Variants in CNTNAP4 observed in about 807,000 individuals in gnomAD.
CNTNAP4 encodes the protein contactin-associated protein-like 4.
CNTNAP4 carries 98 observed loss-of-function variants against 148.4 expected under a neutral mutation model. That is an observed-to-expected ratio of 0.66 (90% confidence interval 0.56 to 0.78). The LOEUF (loss-of-function observed/expected upper bound fraction) is 0.78, where lower values mean the gene tolerates loss of function less well. Ranked by LOEUF, CNTNAP4 falls within the 30% of genes least tolerant of loss-of-function variation. The probability of loss-of-function intolerance (pLI) is 0.00; values close to 1 mark genes in which losing one functional copy is unlikely to be tolerated. For missense variants in CNTNAP4, 1,935 were observed against 1,565.6 expected (o/e 1.24, Z -3.98); for synonymous variants, 730 against 565.1 (o/e 1.29, Z -4.14).
At chr16:76,410,471 T>C (rs2078755006) in intron 3 of CNTNAP4, among the ~76,000 whole-genome samples, 2 of 151,720 alleles carry the variant, frequency 1.3e-5, no homozygotes, top group Admixed American at 6.6e-5. Flanking sequence ...TGTAGTTTTG[T>C]TACATCTGGC....
At chr16:76,432,235 G>A (rs2079637662) in intron 4 of CNTNAP4, among the ~76,000 whole-genome samples, 2 of 152,154 alleles carry the variant, frequency 1.3e-5, no homozygotes, top group Admixed American at 6.6e-5. Flanking sequence ...ATAGATGCAA[G>A]CCTATCCTGT....
chr16:76,424,482 G>C (rs760243280), intron 3 of CNTNAP4, among the ~76,000 whole-genome samples: 1 of 152,090 alleles, frequency 6.6e-6, no homozygotes, highest in South Asian at 2.1e-4. Flanking sequence ...GGCTGGGTGC[G>C]GTGGTTCACG....
intron 12 of CNTNAP4, among the ~76,000 whole-genome samples, chr16:76,480,124 T>C (rs938968736): frequency 4.9e-4 from 75 of 151,798 alleles, no homozygotes; most frequent in African/African-American, 1.8e-3. Flanking sequence ...TCCTAGACAG[T>C]GCAATAAAAC....
chr16:76,377,492 G>T (rs973932648), intron 3 of CNTNAP4, among the ~76,000 whole-genome samples: 3 of 152,144 alleles, frequency 2.0e-5, no homozygotes, highest in East Asian at 1.9e-4. Flanking sequence ...CAAAGATGGT[G>T]CAATGCTAGG....
At chr16:76,543,421 G>T (rs967699514) in intron 21 of CNTNAP4, among the ~76,000 whole-genome samples, 1 of 152,186 alleles carries the variant, frequency 6.6e-6, no homozygotes. Flanking sequence ...GTCACTTACT[G>T]TGTTAGTCCA....
At chr16:76,537,647 A>G (rs1188177235) in intron 18 of CNTNAP4, among the ~76,000 whole-genome samples, 1 of 152,136 alleles carries the variant, frequency 6.6e-6, no homozygotes, top group African/African-American at 2.4e-5. Flanking sequence ...ATGTTTAGAC[A>G]TAAAGGAAAA....
intron 14 of CNTNAP4, among the ~76,000 whole-genome samples, chr16:76,497,581 A>G (rs1002766776): frequency 6.6e-6 from 1 of 152,058 alleles, no homozygotes; most frequent in Non-Finnish European, 1.5e-5. Context: ...CATTCTCAGC[A>G]AAATAACACA....
intron 9 of CNTNAP4, among the ~76,000 whole-genome samples, chr16:76,464,434 C>T (rs1296569788): frequency 5.3e-5 from 8 of 152,144 alleles, no homozygotes; most frequent in African/African-American, 1.9e-4. Flanking sequence ...ACCTCCTTCC[C>T]CCAGTCCTGG....
rs78331690 is a variant in CNTNAP4, at chr16:76,431,115, A to C, written c.538+3516A>C. On this transcript the variant is annotated intron_variant, in intron 4 of 23. Transcript: ENST00000611870. Reference sequence around the variant, plus strand: ...TGATTGATAAATTGTGGTTAGTATAAGAAAGTTTATAGCAGTAGATTTTGA... The same window carrying C: ...TGATTGATAAATTGTGGTTAGTATACGAAAGTTTATAGCAGTAGATTTTGA... Among the ~76,000 whole-genome samples, 1,055 of 152,318 alleles carry C rather than the reference A, an allele frequency of 6.9e-3. 9 individuals carry two copies. Among genetic ancestry groups the C allele is most frequent in the African/African-American group, 0.024 (996 of 41,572 alleles).
intron 4 of CNTNAP4, among the ~76,000 whole-genome samples, chr16:76,441,553 A>C (rs1013944984): frequency 2.0e-5 from 3 of 152,042 alleles, no homozygotes; most frequent in African/African-American, 4.8e-5. Flanking sequence ...ACTGAGGGGG[A>C]ATCAGGTCAC....
intron 3 of CNTNAP4, among the ~76,000 whole-genome samples, chr16:76,417,263 G>T: frequency 6.6e-6 from 1 of 151,042 alleles, no homozygotes; most frequent in Non-Finnish European, 1.5e-5. Flanking sequence ...TCTATTTGTT[G>T]CAGTTGTTTT....
At chr16:76,447,346 A>G (rs1568204177) in intron 4 of CNTNAP4, among the ~76,000 whole-genome samples, 1 of 100,500 alleles carries the variant, frequency 1.0e-5, no homozygotes, top group African/African-American at 2.7e-5. Flanking sequence ...ATGTATATAT[A>G]TATATGAAAT....
chr16:76,328,322 T>G (rs2144219415), intron 2 of CNTNAP4, among the ~76,000 whole-genome samples: 2 of 152,284 alleles, frequency 1.3e-5, no homozygotes, highest in South Asian at 4.1e-4. Flanking sequence ...GTGGAAAACA[T>G]TAGACCTACC....
intron 1 of CNTNAP4, among the ~76,000 whole-genome samples, chr16:76,284,809 T>A (rs1958818553): frequency 6.6e-6 from 1 of 152,068 alleles, no homozygotes; most frequent in Admixed American, 6.6e-5. Flanking sequence ...TGGCTTTCCT[T>A]GTTTTTAATC....
chr16:76,340,271 C>G lies in CNTNAP4; in HGVS notation c.197-15047C>G, dbSNP rs569595978. 3.3e-5 allele frequency among the ~76,000 whole-genome samples: 5 copies of G among 152,262 alleles called. No homozygotes were observed. In the East Asian group the frequency reaches 9.7e-4, roughly 30 times the overall value. On this transcript the variant is annotated intron_variant, in intron 2 of 23. Coordinates refer to ENST00000611870, the MANE Select transcript of CNTNAP4 (RefSeq NM_033401.5). ...AGGAACATAGCTGCCCAAGTTCCCC[C>G]CCAAATCCTATATGCTTACCCAAAT...
At chr16:76,499,301 T>G (rs2082532910) in intron 15 of CNTNAP4, among the ~76,000 whole-genome samples, 1 of 152,126 alleles carries the variant, frequency 6.6e-6, no homozygotes, top group Non-Finnish European at 1.5e-5. Context: ...CCATTCTTCA[T>G]GTGACATGAT....
At chr16:76,549,141 CG>C (rs2084859280) in intron 21 of CNTNAP4, among the ~76,000 whole-genome samples, 1 of 151,944 alleles carries the variant, frequency 6.6e-6, no homozygotes, top group South Asian at 2.1e-4. Context: ...GAAGGAAGTC[CG>C]GGGGCCAGCC....
intron 17 of CNTNAP4, among the ~76,000 whole-genome samples, chr16:76,527,839 A>G (rs1166852533): frequency 6.6e-6 from 1 of 152,204 alleles, no homozygotes; most frequent in Non-Finnish European, 1.5e-5. Flanking sequence ...ATCATGTTGT[A>G]AACCTCAAAT....
rs528957663 is a variant in CNTNAP4 at position 76,306,801 on chromosome 16, C to A, written c.86-9612C>A. On this transcript the variant is annotated intron_variant, in intron 1 of 23. Coordinates refer to ENST00000611870, the MANE Select transcript of CNTNAP4 (RefSeq NM_033401.5). ...AAGAAGGGATGGATTATTTTAAGTACCTACTCTGTACTTTTTAAATGTTAT... is the reference window on the plus strand; with the variant it reads ...AAGAAGGGATGGATTATTTTAAGTAACTACTCTGTACTTTTTAAATGTTAT... Among the ~76,000 whole-genome samples the A allele has an allele frequency of 7.0e-4, 106 of 152,246 alleles. No individual in the cohort carries two copies. In the South Asian group the frequency reaches 7.7e-3, roughly 11 times the overall value.
Sources: gnomAD v4.1 joint callset for allele counts (sites outside exome capture counted in the v4.1 genomes callset) on GRCh38, gnomAD v4.1.1 for gene constraint, MANE v1.5 for transcripts, NCBI Gene and HGNC (gene_info 2026-07-23, HGNC 2026-07-21) for gene names.